PCED1B: variants seen among roughly 807,000 people sequenced by gnomAD.
PCED1B encodes the protein PC-esterase domain containing 1B, also known as PC-esterase domain-containing protein 1B.
For synonymous variants in PCED1B, 251 were observed against 246.1 expected, an observed-to-expected ratio of 1.02 and a Z score of -0.19; for missense variants, 573 against 573.9, an observed-to-expected ratio of 1.00 and a Z score of 0.02.
intron 2 of PCED1B, among the ~76,000 whole-genome samples, chr12:47,170,043 G>T (rs1382725801): frequency 6.6e-6 from 1 of 151,932 alleles, no homozygotes; most frequent in Non-Finnish European, 1.5e-5. Flanking sequence ...GGGCCCTGCC[G>T]CCTTCCACAG....
At chr12:47,113,120 G>A (rs553774740) in intron 2 of PCED1B, among the ~76,000 whole-genome samples, 2 of 152,228 alleles carry the variant, frequency 1.3e-5, no homozygotes, top group African/African-American at 4.8e-5. Context: ...CTGGGCACTG[G>A]GTTTGGTCTC....
intron 2 of PCED1B, among the ~76,000 whole-genome samples, chr12:47,190,467 A>T (rs1942408357): frequency 6.6e-6 from 1 of 152,238 alleles, no homozygotes; most frequent in East Asian, 1.9e-4. Flanking sequence ...TTAAGGATGA[A>T]GTGGTTTCTC....
intron 2 of PCED1B, among the ~76,000 whole-genome samples, chr12:47,141,859 C>T (rs1312089949): frequency 1.3e-5 from 2 of 152,176 alleles, no homozygotes; most frequent in Non-Finnish European, 2.9e-5. Context: ...TTCAGCACCA[C>T]CCAGCTGCAG....
intron 2 of PCED1B, among the ~76,000 whole-genome samples, chr12:47,111,115 A>G (rs909464081): frequency 2.0e-5 from 3 of 152,178 alleles, no homozygotes; most frequent in African/African-American, 7.2e-5. Flanking sequence ...GGGTTGCCTT[A>G]ATAATAGAAG....
At chr12:47,084,705 A>T (rs1484418461) in intron 1 of PCED1B, among the ~76,000 whole-genome samples, 1 of 152,222 alleles carries the variant, frequency 6.6e-6, no homozygotes, top group East Asian at 1.9e-4. Context: ...TTAACTTAGA[A>T]TGTGGTTGTG....
intron 1 of PCED1B, among the ~76,000 whole-genome samples, chr12:47,082,071 A>G (rs1323294962): frequency 6.6e-6 from 1 of 152,232 alleles, no homozygotes; most frequent in East Asian, 1.9e-4. Context: ...GAGGAAAGAA[A>G]GATAAGAGTT....
At chr12:47,131,071 C>A (rs1409711953) in intron 2 of PCED1B, among the ~76,000 whole-genome samples, 1 of 152,134 alleles carries the variant, frequency 6.6e-6, no homozygotes. Context: ...GAAGATATCT[C>A]GATCATATTT....
chr12:47,118,308 G>T (rs1413651825), intron 2 of PCED1B, among the ~76,000 whole-genome samples: 1 of 152,152 alleles, frequency 6.6e-6, no homozygotes, highest in Non-Finnish European at 1.5e-5. Flanking sequence ...TTCTTGTAGG[G>T]TTTTTATGGT....
intron 2 of PCED1B, among the ~76,000 whole-genome samples, chr12:47,111,656 A>G (rs963547138): frequency 9.9e-5 from 15 of 152,076 alleles, no homozygotes; most frequent in African/African-American, 3.4e-4. Flanking sequence ...TCTCCTGTAG[A>G]TACCCCTTTT....
chr12:47,107,979 A>C (rs145872134), intron 2 of PCED1B, among the ~76,000 whole-genome samples: 4 of 152,290 alleles, frequency 2.6e-5, no homozygotes, highest in Admixed American at 2.6e-4. Flanking sequence ...AAGGATGTAA[A>C]TAATTATTAT....
chr12:47,105,519 T>A (rs1462158385), intron 2 of PCED1B, among the ~76,000 whole-genome samples: 2 of 152,030 alleles, frequency 1.3e-5, no homozygotes, highest in Admixed American at 6.5e-5. Flanking sequence ...ATGGGCTTGA[T>A]GGGAGGAAAA....
At chr12:47,228,108 G>A (rs562473307) in intron 3 of PCED1B, among the ~76,000 whole-genome samples, 4 of 149,112 alleles carry the variant, frequency 2.7e-5, no homozygotes, top group Admixed American at 6.7e-5. Flanking sequence ...ATCTCAGCTC[G>A]CTGCAACCTC....
rs140861924 is a variant in PCED1B at position 47,220,698 on chromosome 12, A to G, written c.-58+4009A>G. On this transcript the variant is annotated intron_variant, in intron 3 of 3. Coordinates refer to ENST00000546455, the MANE Select transcript of PCED1B (RefSeq NM_138371.3). ...CCAGAACTAGCATAGAGTGGGATAG[A>G]ATGGCACATGGGCAGTTAATTATAG... 2.6e-3 allele frequency among the ~76,000 whole-genome samples: 392 copies of G among 152,360 alleles called. 4 individuals are homozygous for G. The highest frequency in any genetic ancestry group is 9.1e-3 in the African/African-American group (377 of 41,586).
chr12:47,230,266 A>G (rs1240021904), intron 3 of PCED1B, among the ~76,000 whole-genome samples: 1 of 149,398 alleles, frequency 6.7e-6, no homozygotes, highest in Non-Finnish European at 1.5e-5. Flanking sequence ...TTGTACTTTT[A>G]GTAGAGACGG....
chr12:47,111,235 A>T (rs1939181697), intron 2 of PCED1B, among the ~76,000 whole-genome samples: 1 of 152,176 alleles, frequency 6.6e-6, no homozygotes, highest in Middle Eastern at 3.2e-3. Context: ...GCCCTAGATG[A>T]GTTCACTTTC....
intron 2 of PCED1B, among the ~76,000 whole-genome samples, chr12:47,122,647 C>T (rs1021854138): frequency 1.3e-5 from 2 of 152,108 alleles, no homozygotes; most frequent in African/African-American, 4.8e-5. Flanking sequence ...AAACATTTTC[C>T]TAAGGCATTG....
In PCED1B at chr12:47,236,321, A is replaced by G; in HGVS notation, c.1258A>G (p.Lys420Glu). The change falls in exon 4 of 4, where the codon AAG (lysine) becomes GAG (glutamate). Residue 420 changes from lysine to glutamate, a missense_variant. Lys to Glu is a moderately conservative substitution (Grantham distance 56). Coordinates refer to ENST00000546455, the MANE Select transcript of PCED1B (RefSeq NM_138371.3). Reference sequence around the variant, plus strand: ...CTGGGGACAGCGGCCTCGACCTTCAAAGAGAAGGGCCCCAGCCAATCCTGA... The same window carrying G: ...CTGGGGACAGCGGCCTCGACCTTCAGAGAGAAGGGCCCCAGCCAATCCTGA... ...TPWGQRPRPS[K>E]RRAPANPEPR... is the part of the protein sequence containing the mutation. The G allele has an allele frequency of 6.2e-7, 1 of 1,611,756 alleles. No individual in the cohort carries two copies. The highest frequency in any genetic ancestry group is 8.5e-7 in the Non-Finnish European group (1 of 1,178,970).
At chr12:47,211,653 CAAAA>C (rs760117906) in intron 2 of PCED1B, among the ~76,000 whole-genome samples, 21 of 65,620 alleles carry the variant, frequency 3.2e-4, no homozygotes, top group Admixed American at 2.5e-3. Context: ...GACTCTGTCT[CAAAA>C]AAAAAAAAAA....
intron 2 of PCED1B, among the ~76,000 whole-genome samples, chr12:47,172,340 C>CTTTTTTTTTTTTT (rs34230051): frequency 9.7e-4 from 76 of 78,272 alleles, no homozygotes; most frequent in Middle Eastern, 9.1e-3. Context: ...TCGTGGGTTG[C>CTTTTTTTTTTTTT]TTTTTTTTTT....
Sources: gnomAD v4.1 joint callset for allele counts (sites outside exome capture counted in the v4.1 genomes callset) on GRCh38, gnomAD v4.1.1 for gene constraint, MANE v1.5 for transcripts, NCBI Gene and HGNC (gene_info 2026-07-23, HGNC 2026-07-21) for gene names.